Variants in AMZ1 observed in about 807,000 individuals in gnomAD.
AMZ1 encodes the protein archaemetzincin-1.
AMZ1 carries 39 observed loss-of-function variants against 29.9 expected under a neutral mutation model. The ratio of observed to expected loss-of-function variants is 1.30; its 90% CI spans 1.01 to 1.70. The LOEUF (loss-of-function observed/expected upper bound fraction) is 1.70, where lower values mean the gene tolerates loss of function less well. AMZ1 is among the 40% of genes most tolerant of loss of function. The probability of loss-of-function intolerance (pLI) is 0.00; values close to 1 mark genes in which losing one functional copy is unlikely to be tolerated. For missense variants in AMZ1, 1,041 were observed against 680.6 expected, an observed-to-expected ratio of 1.53 and a Z score of -5.89; for synonymous variants, 458 against 304.0, an observed-to-expected ratio of 1.51 and a Z score of -5.27.
At chr7:2,753,739 AT>A (rs986558087) in intron 4 of AMZ1, among the ~76,000 whole-genome samples, 150 of 151,212 alleles carry the variant, frequency 9.9e-4, no homozygotes, top group African/African-American at 3.1e-3. Flanking sequence ...TGTATGTTTA[AT>A]TTTTTTTTCC....
intron 1 of AMZ1, among the ~76,000 whole-genome samples, chr7:2,696,517 A>G (rs571234203): frequency 7.4e-5 from 11 of 149,376 alleles, no homozygotes; most frequent in Non-Finnish European, 1.3e-4. Flanking sequence ...TGGGCCTCCC[A>G]AAGTGCTGTG....
At chr7:2,696,319 C>T (rs183638708) in intron 1 of AMZ1, among the ~76,000 whole-genome samples, 34,480 of 143,052 alleles carry the variant, frequency 0.24, 4,890 homozygotes, top group Middle Eastern at 0.38. Flanking sequence ...TGCAGTGGTG[C>T]GATCTTGGCT....
Position 2,718,847 on chromosome 7 carries a change from G to C in AMZ1, c.*5969G>C, listed in dbSNP as rs1789284615. On this transcript the variant is annotated 3_prime_UTR_variant, in exon 7 of 7. Coordinates refer to ENST00000683327, the MANE Select transcript of AMZ1 (RefSeq NM_001384743.1). The stretch of plus-strand genomic sequence containing the variant: ...CTGGGGTAGGCCTCTGGGAACAGGG[G>C]AGTCACAGAAACCACGGGAAACGGA... Among the ~76,000 whole-genome samples, 1 of 152,168 alleles carries C rather than the reference G, an allele frequency of 6.6e-6. No homozygotes were observed. The highest frequency in any genetic ancestry group is 6.5e-5 in the Admixed American group (1 of 15,272).
At chr7:2,685,376 G>A (rs1313034656), upstream of AMZ1, among the ~76,000 whole-genome samples, 1 of 151,564 alleles carries the variant, frequency 6.6e-6, no homozygotes, top group Non-Finnish European at 1.5e-5. Context: ...TGGCCAACAG[G>A]GTGAAGCCCT....
chr7:2,685,024 C>T (rs935648083), upstream of AMZ1, among the ~76,000 whole-genome samples: 11 of 151,978 alleles, frequency 7.2e-5, no homozygotes, highest in African/African-American at 2.6e-4. Context: ...CGCCCGCCAC[C>T]ACGCCCGGCT....
In AMZ1 at chr7:2,731,237, G is replaced by A; in HGVS notation, n.550+21421G>A. On this transcript the variant is annotated intron_variant and non_coding_transcript_variant, in intron 4 of 4. Transcript: ENST00000489665. The surrounding 1 kb of genome is among the most constrained non-coding windows in gnomAD (Gnocchi z 6.0). Reference sequence around the variant, plus strand: ...TGCAGGATGGTGTCTTTCACAGCATGGAACACGAAGCGGACGTTCTCGGTG... The same window carrying A: ...TGCAGGATGGTGTCTTTCACAGCATAGAACACGAAGCGGACGTTCTCGGTG... The A allele has an allele frequency of 1.2e-6, 2 of 1,613,718 alleles. No homozygotes were observed. The highest frequency in any genetic ancestry group is 1.7e-6 in the Non-Finnish European group (2 of 1,179,862).
At chr7:2,748,861 G>C (rs1454386295) in intron 4 of AMZ1, among the ~76,000 whole-genome samples, 1 of 152,154 alleles carries the variant, frequency 6.6e-6, no homozygotes, top group African/African-American at 2.4e-5. Flanking sequence ...GACATGAACA[G>C]ACACTTCTCA....
In AMZ1 at chr7:2,757,128, CCTTTTTTTTT is replaced by C. The variant is rs1232845590; in HGVS notation, n.551-7583_551-7574del. ...GGCAGGCCCGATCTAATCAGGTGGGCCTTTTTTTTTTTTTTTTTTTTTTTTGAGACGGAGT... is the reference window on the plus strand; with the variant it reads ...GGCAGGCCCGATCTAATCAGGTGGGCTTTTTTTTTTTTTTTGAGACGGAGT... On this transcript the variant is annotated intron_variant and non_coding_transcript_variant, in intron 4 of 4. Transcript: ENST00000489665. 1.9e-4 allele frequency among the ~76,000 whole-genome samples: 22 copies of C among 115,150 alleles called. No homozygotes were observed. The South Asian group carries it at 5.3e-3, about 28-fold the overall frequency. 75.5% of individuals were successfully genotyped at this position (115,150 alleles called of 152,430 possible).
At chr7:2,729,100 C>A (rs1292273164) in intron 4 of AMZ1, 3 of 152,408 alleles carry the variant, frequency 2.0e-5, no homozygotes, top group Non-Finnish European at 4.4e-5. Context: ...CAAACAACTC[C>A]CCTGCTACGC....
chr7:2,703,945 G>A (rs891581067), intron 3 of AMZ1, among the ~76,000 whole-genome samples: 1 of 152,194 alleles, frequency 6.6e-6, no homozygotes, highest in African/African-American at 2.4e-5. Flanking sequence ...CTGGAGTGCA[G>A]TGGTGCAATC....
chr7:2,740,504 A>G (rs1394842832), intron 4 of AMZ1, among the ~76,000 whole-genome samples: 1 of 152,036 alleles, frequency 6.6e-6, no homozygotes, highest in African/African-American at 2.4e-5. Flanking sequence ...TCAATTTCCA[A>G]TCTCCAGAGC....
Position 2,712,435 on chromosome 7 carries a change from A to C in AMZ1, c.1054A>C (p.Met352Leu), listed in dbSNP as rs1183512666. 6.2e-7 allele frequency: 1 copy of C among 1,611,834 alleles called. No homozygotes were observed. The highest frequency in any genetic ancestry group is 8.5e-7 in the Non-Finnish European group (1 of 1,179,730). Residue 352 changes from methionine (M) to leucine (L), a missense_variant, in exon 7 of 7, where the codon ATG (methionine) becomes CTG (leucine). By Grantham distance (15) the Met-to-Leu change is conservative. Transcript: ENST00000683327. ...DTPPASADSG[M>L]CCESDSEPGT... Reference sequence around the variant, plus strand: ...CCCGCCTGCCAGCGCCGACTCGGGCATGTGCTGTGAGAGTGACTCGGAGCC... The same window carrying C: ...CCCGCCTGCCAGCGCCGACTCGGGCCTGTGCTGTGAGAGTGACTCGGAGCC...
At chr7:2,685,953 G>A (rs115125141), upstream of AMZ1, among the ~76,000 whole-genome samples, 608 of 151,962 alleles carry the variant, frequency 4.0e-3, 6 homozygotes, top group Middle Eastern at 0.02. Flanking sequence ...GCGGCAACAC[G>A]TGTGAAGAAG....
intron 3 of AMZ1, among the ~76,000 whole-genome samples, chr7:2,706,876 T>C (rs1436129327): frequency 6.6e-6 from 1 of 152,182 alleles, no homozygotes; most frequent in Non-Finnish European, 1.5e-5. Context: ...ACCCAGCTGC[T>C]CAGGAGGCCG....
intron 4 of AMZ1, among the ~76,000 whole-genome samples, chr7:2,752,470 A>T (rs2115366390): frequency 6.6e-6 from 1 of 152,356 alleles, no homozygotes; most frequent in East Asian, 1.9e-4. Context: ...AAGCGAACAA[A>T]TGAAACAAAA....
chr7:2,708,534 A>C, intron 3 of AMZ1, 54 bp from the exon 4 acceptor site: 1 of 1,604,684 alleles, frequency 6.2e-7, no homozygotes, highest in Non-Finnish European at 8.5e-7. Context: ...TGAGCCTGGA[A>C]GATGGGGGTC....
At chr7:2,728,113 T>A (rs569849158) in intron 4 of AMZ1, 5 of 152,294 alleles carry the variant, frequency 3.3e-5, no homozygotes, top group Non-Finnish European at 5.9e-5. Flanking sequence ...TATTTTATAT[T>A]AAGCAAAGAA....
intron 1 of AMZ1, among the ~76,000 whole-genome samples, chr7:2,697,445 A>G (rs981707230): frequency 6.6e-6 from 1 of 151,564 alleles, no homozygotes; most frequent in Non-Finnish European, 1.5e-5. Context: ...TTTTTTTGAG[A>G]CAGGGTCTCA....
At chr7:2,750,278 G>A (rs1292006876) in intron 4 of AMZ1, among the ~76,000 whole-genome samples, 2 of 152,152 alleles carry the variant, frequency 1.3e-5, no homozygotes, top group African/African-American at 4.8e-5. Context: ...ACACACTGCT[G>A]CCCCCAAACT....
Sources: gnomAD v4.1 joint callset for allele counts (sites outside exome capture counted in the v4.1 genomes callset) on GRCh38, gnomAD v4.1.1 for gene constraint, Gnocchi (gnomAD v3.1) non-coding constraint, MANE v1.5 for transcripts, NCBI Gene and HGNC (gene_info 2026-07-23, HGNC 2026-07-21) for gene names.